SNTB1: variants seen among roughly 807,000 people sequenced by gnomAD.
SNTB1 encodes syntrophin beta 1.
Under a neutral mutation model 48.9 loss-of-function variants are expected in SNTB1, and 36 were observed. The ratio of observed to expected loss-of-function variants is 0.74; its 90% confidence interval spans 0.56 to 0.97. The LOEUF (loss-of-function observed/expected upper bound fraction) is 0.97, where lower values mean the gene tolerates loss of function less well. SNTB1 is among the 50% of genes least tolerant of loss of function. The pLI, the probability that SNTB1 is intolerant of heterozygous loss-of-function variation, is 0.00. For synonymous variants in SNTB1, 299 were observed against 294.6 expected (o/e 1.01, Z -0.15); for missense variants, 786 against 703.4 (o/e 1.12, Z -1.33).
Position 120,575,196 on chromosome 8 carries a change from T to C in SNTB1, c.1026A>G (p.Lys342=). Reference sequence around the variant, plus strand: ...TCTCAGTCAGCACAACCAGGGCTGGTTTCCACTGTTTCTTGCTCTCCCCTG... The same window carrying C: ...TCTCAGTCAGCACAACCAGGGCTGGCTTCCACTGTTTCTTGCTCTCCCCTG... The part of the protein sequence containing the change: ...KVPGESKKQW[K]PALVVLTEKD... Residue 342 remains lysine (K), a synonymous_variant, in exon 4 of 7, where the codon AAA becomes AAG. Transcript: ENST00000517992. 1 of 1,614,082 alleles carries C rather than the reference T, an allele frequency of 6.2e-7. No individual in the cohort carries two copies.
chr8:120,731,443 G>T (rs1277357225), intron 1 of SNTB1, among the ~76,000 whole-genome samples: 1 of 152,178 alleles, frequency 6.6e-6, no homozygotes, highest in Non-Finnish European at 1.5e-5. Context: ...CGGAGCATTA[G>T]AAACAGGATC....
intron 4 of SNTB1, among the ~76,000 whole-genome samples, chr8:120,554,974 C>T (rs1815542276): frequency 1.3e-5 from 2 of 152,056 alleles, no homozygotes. Context: ...CTCGCTAATT[C>T]ATTCATTCAT....
chr8:120,796,375 G>T (rs568884716), intron 1 of SNTB1, among the ~76,000 whole-genome samples: 1 of 151,980 alleles, frequency 6.6e-6, no homozygotes, highest in African/African-American at 2.4e-5. Flanking sequence ...ACCCTATCTC[G>T]AAATAAGATC....
intron 1 of SNTB1, among the ~76,000 whole-genome samples, chr8:120,733,967 G>A (rs1184150381): frequency 6.6e-6 from 1 of 152,172 alleles, no homozygotes. Context: ...AGTTTTGTTA[G>A]TAATAATATC....
At chr8:120,655,803 C>T (rs375488694) in intron 2 of SNTB1, among the ~76,000 whole-genome samples, 53 of 152,228 alleles carry the variant, frequency 3.5e-4, no homozygotes, top group African/African-American at 1.2e-3. Flanking sequence ...CAGAACCACT[C>T]ACACTGAATG....
intron 2 of SNTB1, among the ~76,000 whole-genome samples, chr8:120,673,791 C>T (rs1427315166): frequency 6.6e-6 from 1 of 152,084 alleles, no homozygotes; most frequent in African/African-American, 2.4e-5. Context: ...TCCCCAACAG[C>T]CCCTCTGGTT....
chr8:120,709,395 G>C (rs1818427031), intron 1 of SNTB1, among the ~76,000 whole-genome samples: 2 of 152,164 alleles, frequency 1.3e-5, no homozygotes, highest in South Asian at 4.1e-4. Flanking sequence ...GCTGTGGACA[G>C]AACATCCATG....
At chr8:120,695,820 G>A (rs879862982) in intron 1 of SNTB1, among the ~76,000 whole-genome samples, 6 of 152,122 alleles carry the variant, frequency 3.9e-5, no homozygotes, top group Non-Finnish European at 8.8e-5. Context: ...AGATTTCAGG[G>A]TTTTAGTTGA....
At chr8:120,548,415 A>C (rs1265573941) in intron 5 of SNTB1, among the ~76,000 whole-genome samples, 3 of 152,192 alleles carry the variant, frequency 2.0e-5, no homozygotes, top group Non-Finnish European at 4.4e-5. Flanking sequence ...GTGATAGATT[A>C]CTCGGAATCA....
intron 1 of SNTB1, among the ~76,000 whole-genome samples, chr8:120,702,993 T>C (rs888673064): frequency 1.3e-5 from 2 of 152,194 alleles, no homozygotes; most frequent in African/African-American, 2.4e-5. Context: ...GTTTAGTACA[T>C]AGAAAGTACT....
intron 4 of SNTB1, chr8:120,570,698 GTATCTGA>G (rs1221195594): frequency 1.3e-5 from 2 of 152,974 alleles, no homozygotes; most frequent in African/African-American, 4.8e-5. Flanking sequence ...TACTTAGTGA[GTATCTGA>G]TTCATTTCCC....
intron 3 of SNTB1, among the ~76,000 whole-genome samples, chr8:120,623,842 T>G (rs1012984050): frequency 2.0e-5 from 3 of 152,328 alleles, no homozygotes; most frequent in East Asian, 3.9e-4. Context: ...CAATGCCCAA[T>G]AAGATTAAAG....
chr8:120,688,212 T>A (rs1384891168), intron 2 of SNTB1, among the ~76,000 whole-genome samples: 1 of 152,216 alleles, frequency 6.6e-6, no homozygotes, highest in Non-Finnish European at 1.5e-5. Context: ...GGGTCATGAC[T>A]TAAAGCCTCA....
chr8:120,791,728 C>T (rs772154573), intron 1 of SNTB1, among the ~76,000 whole-genome samples: 12 of 151,730 alleles, frequency 7.9e-5, no homozygotes, highest in African/African-American at 2.4e-4. Flanking sequence ...CAGGGAAATG[C>T]GAATTAAAAT....
intron 1 of SNTB1, among the ~76,000 whole-genome samples, chr8:120,705,612 T>G (rs1799518812): frequency 6.6e-6 from 1 of 152,162 alleles, no homozygotes; most frequent in Non-Finnish European, 1.5e-5. Context: ...AGAAAATAAT[T>G]CTACTTTGTG....
intron 3 of SNTB1, among the ~76,000 whole-genome samples, chr8:120,624,619 C>T: frequency 6.6e-6 from 1 of 152,304 alleles, no homozygotes; most frequent in East Asian, 1.9e-4. Flanking sequence ...CCCAAAAATT[C>T]ATGTCCTCCT....
chr8:120,567,900 T>A (rs1255063768), intron 4 of SNTB1, among the ~76,000 whole-genome samples: 1 of 152,196 alleles, frequency 6.6e-6, no homozygotes, highest in Non-Finnish European at 1.5e-5. Context: ...TTAAAATAAA[T>A]TTTTAAAAAC....
chr8:120,683,074 G>T (rs1404782222), intron 2 of SNTB1, among the ~76,000 whole-genome samples: 1 of 151,820 alleles, frequency 6.6e-6, no homozygotes, highest in Non-Finnish European at 1.5e-5. Flanking sequence ...GTAGAGACGG[G>T]GTTTCACTGC....
intron 1 of SNTB1, among the ~76,000 whole-genome samples, chr8:120,808,895 G>T (rs1191851743): frequency 1.3e-5 from 2 of 152,050 alleles, no homozygotes; most frequent in Admixed American, 6.6e-5. Context: ...AGGAATCTAG[G>T]TTTTTTTAAA....
Sources: allele counts gnomAD v4.1 joint callset (sites outside exome capture counted in the v4.1 genomes callset), GRCh38; gene constraint gnomAD v4.1.1; transcripts MANE v1.5; gene names NCBI Gene and HGNC (gene_info 2026-07-23, HGNC 2026-07-21).